TAFA2: variants seen among roughly 807,000 people sequenced by gnomAD.
TAFA2 encodes the protein TAFA chemokine like family member 2.
TAFA2 carries 7 observed loss-of-function variants against 18.8 expected under a neutral mutation model. The observed-to-expected ratio is 0.37, with a 90% CI of 0.21 to 0.70. The LOEUF is 0.70. Among genes scored for constraint, TAFA2 ranks in the 30% least tolerant of loss-of-function variants. The probability of loss-of-function intolerance (pLI) is 0.53; values close to 1 mark genes in which losing one functional copy is unlikely to be tolerated. For missense variants in TAFA2, 122 were observed against 158.1 expected (o/e 0.77, Z 1.23); for synonymous variants, 60 against 54.2 (o/e 1.11, Z -0.47).
At chr12:61,711,522 T>C (rs10877720) in intron 4 of TAFA2, among the ~76,000 whole-genome samples, 68,698 of 151,912 alleles carry the variant, frequency 0.45, 15,703 homozygotes, top group African/African-American at 0.5. Context: ...CATTGTTACT[T>C]GTCCTTTGAA....
chr12:61,987,510 T>C (rs1265173018), intron 1 of TAFA2, among the ~76,000 whole-genome samples: 1 of 152,228 alleles, frequency 6.6e-6, no homozygotes, highest in African/African-American at 2.4e-5. Flanking sequence ...TTTAAACTAA[T>C]GATTGCCTTT....
chr12:62,212,843 C>CA (rs1195952033), intron 1 of TAFA2, among the ~76,000 whole-genome samples: 3 of 151,878 alleles, frequency 2.0e-5, no homozygotes, highest in Admixed American at 6.5e-5. Context: ...TTAATGAGAG[C>CA]AAAAAATACA....
intron 4 of TAFA2, among the ~76,000 whole-genome samples, chr12:61,716,870 G>T (rs563760254): frequency 6.6e-6 from 1 of 152,166 alleles, no homozygotes; most frequent in East Asian, 1.9e-4. Context: ...TGCAGTGCAT[G>T]GTCAATCCTT....
chr12:62,258,743 GAAGT>G (rs946830647), intron 1 of TAFA2: 29 of 371,638 alleles, frequency 7.8e-5, no homozygotes, highest in Admixed American at 3.7e-4. Context: ...GCTAAAGGTT[GAAGT>G]GAGGTTTGAA....
At chr12:61,722,821 G>A (rs1345303438) in intron 4 of TAFA2, among the ~76,000 whole-genome samples, 1 of 151,960 alleles carries the variant, frequency 6.6e-6, no homozygotes, top group Non-Finnish European at 1.5e-5. Flanking sequence ...CACCTGGTGT[G>A]TATAATTGCA....
intron 1 of TAFA2, among the ~76,000 whole-genome samples, chr12:61,914,242 C>T (rs1667085179): frequency 6.6e-6 from 1 of 152,182 alleles, no homozygotes; most frequent in African/African-American, 2.4e-5. Flanking sequence ...CACAGTCAAA[C>T]TTCACTTACA....
intron 1 of TAFA2, among the ~76,000 whole-genome samples, chr12:61,943,451 C>T (rs1207975293): frequency 6.8e-6 from 1 of 147,094 alleles, no homozygotes; most frequent in Admixed American, 6.8e-5. Flanking sequence ...TCACACATAA[C>T]AATATTAACT....
intron 2 of TAFA2, among the ~76,000 whole-genome samples, chr12:61,802,207 C>A (rs559199549): frequency 1.3e-4 from 19 of 151,916 alleles, no homozygotes; most frequent in African/African-American, 3.9e-4. Context: ...GAAGGTTCCC[C>A]AAAAAACTGA....
chr12:61,930,527 A>G (rs1877512711), intron 1 of TAFA2, among the ~76,000 whole-genome samples: 1 of 152,206 alleles, frequency 6.6e-6, no homozygotes, highest in Non-Finnish European at 1.5e-5. Flanking sequence ...GCAGACAAGA[A>G]AGCTGAAACC....
At position 61,975,339 on chromosome 12, in the gene TAFA2, C is replaced by T. The variant is rs1453211635; in HGVS notation, c.-1-107913G>A. ...CTTCCACCCAACCTCTGGTAACCACCATTCTACTCTCTGTATGTATTCTAC... is the reference window on the plus strand; with the variant it reads ...CTTCCACCCAACCTCTGGTAACCACTATTCTACTCTCTGTATGTATTCTAC... On this transcript the variant is annotated intron_variant, in intron 1 of 4. Transcript: ENST00000416284. Among the ~76,000 whole-genome samples the T allele has an allele frequency of 2.0e-5, 3 of 151,742 alleles. 1 individual carries two copies. In the East Asian group the frequency reaches 5.8e-4, roughly 29 times the overall value.
intron 1 of TAFA2, among the ~76,000 whole-genome samples, chr12:62,095,323 C>T (rs1007220271): frequency 6.6e-6 from 1 of 151,890 alleles, no homozygotes; most frequent in African/African-American, 2.4e-5. Context: ...GATAGACAGT[C>T]GATTAACAAT....
At chr12:62,161,450 C>A (rs1017181415) in intron 1 of TAFA2, among the ~76,000 whole-genome samples, 1 of 152,128 alleles carries the variant, frequency 6.6e-6, no homozygotes, top group African/African-American at 2.4e-5. Flanking sequence ...ACAAGCCAGA[C>A]AAAGTCAAAT....
intron 4 of TAFA2, among the ~76,000 whole-genome samples, chr12:61,724,663 C>T (rs1438671347): frequency 6.6e-6 from 1 of 151,858 alleles, no homozygotes; most frequent in East Asian, 1.9e-4. Context: ...TGAGTTACTT[C>T]ACTTAGAATA....
At chr12:61,862,331 A>G (rs1161188181) in intron 2 of TAFA2, among the ~76,000 whole-genome samples, 1 of 152,236 alleles carries the variant, frequency 6.6e-6, no homozygotes, top group Non-Finnish European at 1.5e-5. Flanking sequence ...AATTCAGGGC[A>G]GAATCTTTCC....
At chr12:62,004,105 T>C (rs1330230671) in intron 1 of TAFA2, among the ~76,000 whole-genome samples, 1 of 152,100 alleles carries the variant, frequency 6.6e-6, no homozygotes, top group South Asian at 2.1e-4. Context: ...GTGACTAAAA[T>C]CATTACAATA....
rs567542364 is a variant in TAFA2 at position 61,722,950 on chromosome 12, T to C, written c.385-12533A>G. 9.2e-5 allele frequency among the ~76,000 whole-genome samples: 14 copies of C among 152,252 alleles called. 2 individuals are homozygous for C. The highest frequency in any genetic ancestry group is 8.5e-4 in the Admixed American group (13 of 15,278). On this transcript the variant is annotated intron_variant, in intron 4 of 4. Transcript: ENST00000416284. The stretch of plus-strand genomic sequence containing the variant: ...GGAAGAAACATAAACTTATTTATGA[T>C]ATATAACATCCTTCATGATTAGACC...
chr12:61,924,467 T>G (rs568125267), intron 1 of TAFA2, among the ~76,000 whole-genome samples: 28 of 152,226 alleles, frequency 1.8e-4, no homozygotes, highest in African/African-American at 6.7e-4. Flanking sequence ...TTTCAACACA[T>G]AATTTCATAT....
intron 1 of TAFA2, among the ~76,000 whole-genome samples, chr12:62,248,872 G>A (rs2062898739): frequency 6.6e-6 from 1 of 152,074 alleles, no homozygotes; most frequent in Non-Finnish European, 1.5e-5. Context: ...TTGCAAAACT[G>A]ACACTCTGTA....
chr12:61,761,647 T>C (rs1444654491), intron 2 of TAFA2, among the ~76,000 whole-genome samples: 8 of 152,152 alleles, frequency 5.3e-5, no homozygotes, highest in African/African-American at 9.6e-5. Flanking sequence ...AAGGAAACTA[T>C]ACCTCCAATT....
Sources: gnomAD v4.1 joint callset for allele counts (sites outside exome capture counted in the v4.1 genomes callset) on GRCh38, gnomAD v4.1.1 for gene constraint, MANE v1.5 for transcripts, NCBI Gene and HGNC (gene_info 2026-07-23, HGNC 2026-07-21) for gene names.